Variants in CELSR1 observed in about 807,000 individuals in gnomAD.
CELSR1 encodes the protein adhesion G protein-coupled receptor C1.
In CELSR1, 110 loss-of-function variants were observed where a neutral mutation model predicts 249.1. That is an observed-to-expected ratio of 0.44 (90% CI 0.38 to 0.52). The LOEUF (loss-of-function observed/expected upper bound fraction) is 0.52, where lower values mean the gene tolerates loss of function less well. CELSR1 is among the 20% of genes least tolerant of loss of function. CELSR1 has a pLI of 0.00. For synonymous variants in CELSR1, 2,113 were observed against 1,900.0 expected, an observed-to-expected ratio of 1.11 and a Z score of -2.92; for missense variants, 4,109 against 4,296.4, an observed-to-expected ratio of 0.96 and a Z score of 1.22.
Position 46,448,653 on chromosome 22 carries a change from A to G in CELSR1, c.4184-9242T>C. ...CACTTGATGAAGGCTTAGTTTATGC[A>G]GAATTAACGATCAAAATGAAACACA... On this transcript the variant is annotated intron_variant, in intron 2 of 34. Transcript: ENST00000674500. The surrounding 1 kb of genome is among the most constrained non-coding windows in gnomAD (Gnocchi z 5.7). 1 of 362,346 alleles carries G rather than the reference A, an allele frequency of 2.8e-6. No homozygotes were observed. Among genetic ancestry groups the G allele is most frequent in the Non-Finnish European group, 5.5e-6 (1 of 181,906 alleles). 22.4% of individuals were successfully genotyped at this position (362,346 alleles called of 1,614,324 possible). A position where few individuals can be genotyped will look rare whatever the true frequency, so the allele number is the denominator to read the frequency against.
At chr22:46,365,508 CA>C in intron 31 of CELSR1, 77 bp downstream of exon 31, 2 of 1,539,036 alleles carry the variant, frequency 1.3e-6, no homozygotes, top group South Asian at 1.2e-5. Flanking sequence ...AGTGCTTCTT[CA>C]GGGGCAGTCT....
At chr22:46,394,411 C>T (rs980745860) in intron 13 of CELSR1, 149 bp from the exon 14 acceptor site, 18 of 893,152 alleles carry the variant, frequency 2.0e-5, no homozygotes, top group Middle Eastern at 2.7e-4. Context: ...TACATGGCCT[C>T]AGTCTCCCCT....
intron 30 of CELSR1, 141 bp from the exon 31 acceptor site, chr22:46,365,830 G>T: frequency 5.5e-6 from 1 of 182,648 alleles, no homozygotes. Flanking sequence ...CGAGTATGTG[G>T]GGGAAAGGTG....
rs2079671166 is a variant in CELSR1 at position 46,437,075 on chromosome 22, C to G, written c.4407-786G>C. Reference sequence around the variant, plus strand: ...GGTCCATATCAGTGCTTAATATGGGCTGTTTGAATAAATGAAAGGAAGAGG... The same window carrying G: ...GGTCCATATCAGTGCTTAATATGGGGTGTTTGAATAAATGAAAGGAAGAGG... On this transcript the variant is annotated intron_variant, in intron 3 of 34. Transcript: ENST00000674500. The surrounding 1 kb of genome is among the most constrained non-coding windows in gnomAD (Gnocchi z 4.9). Among the ~76,000 whole-genome samples, 1 of 152,160 alleles carries G rather than the reference C, an allele frequency of 6.6e-6. No homozygotes were observed. The highest frequency in any genetic ancestry group is 1.5e-5 in the Non-Finnish European group (1 of 68,038).
intron 30 of CELSR1, among the ~76,000 whole-genome samples, chr22:46,366,165 G>GA: frequency 2.3e-5 from 1 of 43,706 alleles, no homozygotes; most frequent in Admixed American, 1.7e-4. Flanking sequence ...AAGTTGGTGG[G>GA]GGAAAGGTTG....
chr22:46,495,539 C>T (rs915337953), intron 1 of CELSR1, among the ~76,000 whole-genome samples: 1 of 152,200 alleles, frequency 6.6e-6, no homozygotes. Flanking sequence ...TACATTTATA[C>T]AGAAAATTTT....
Position 46,537,338 on chromosome 22 carries a change from C to G in CELSR1, c.-168G>C, listed in dbSNP as rs2080870130. Among the ~76,000 whole-genome samples the G allele has an allele frequency of 6.7e-6, 1 of 148,902 alleles. No individual in the cohort carries two copies. The highest frequency in any genetic ancestry group is 6.6e-5 in the Admixed American group (1 of 15,042). On this transcript the variant is annotated 5_prime_UTR_variant, in exon 1 of 35. Transcript: ENST00000674500. This position sits in a 1 kb window ranked among gnomAD's most constrained non-coding sequence, Gnocchi z 5.8. ...TGGCGGGGACTGTGGGGACCACGCG[C>G]CCGGCCTCCCCCGCAGCTTCCACTT...
At position 46,374,378 on chromosome 22, in the gene CELSR1, G is replaced by A. The variant is rs550883334; in HGVS notation, c.7585-1321C>T. On this transcript the variant is annotated intron_variant, in intron 24 of 34. Coordinates refer to ENST00000674500, the MANE Select transcript of CELSR1 (RefSeq NM_001378328.1). This position sits in a 1 kb window ranked among gnomAD's most constrained non-coding sequence, Gnocchi z 4.3. ...GGTCGTACCTGCTTCCCTAACCAAT[G>A]TACCACCTTTTCCAGAAATAGAACA... is the stretch of plus-strand genomic sequence containing the variant. Among the ~76,000 whole-genome samples, 43 of 152,292 alleles carry A rather than the reference G, an allele frequency of 2.8e-4. No homozygotes were observed. The highest frequency in any genetic ancestry group is 1.0e-3 in the African/African-American group (42 of 41,544).
intron 14 of CELSR1, 29 bp downstream of exon 14, chr22:46,394,113 A>G (rs1318445171): frequency 6.2e-7 from 1 of 1,608,660 alleles, no homozygotes; most frequent in Admixed American, 1.7e-5. Flanking sequence ...CAAACACAGC[A>G]TGCAGGGATC....
rs2079210901 is a variant in CELSR1 at position 46,401,578 on chromosome 22, A to T, written c.5227-1676T>A. On this transcript the variant is annotated intron_variant, in intron 9 of 34. Transcript: ENST00000674500. The surrounding 1 kb of genome is among the most constrained non-coding windows in gnomAD (Gnocchi z 4.7). Reference sequence around the variant, plus strand: ...ACCTGAAACCCCTGCCCTCCTTGGCACTCTTCAGCCCTATCAGCAGGTGGT... The same window carrying T: ...ACCTGAAACCCCTGCCCTCCTTGGCTCTCTTCAGCCCTATCAGCAGGTGGT... 6.6e-6 allele frequency among the ~76,000 whole-genome samples: 1 copy of T among 151,900 alleles called. No individual in the cohort carries two copies. Among genetic ancestry groups the T allele is most frequent in the African/African-American group, 2.4e-5 (1 of 41,378 alleles).
Position 46,537,054 on chromosome 22 carries a change from G to A in CELSR1, c.117C>T (p.Thr39=). ...AAWEPRVPGG[T]RAFALRPGCT... ...AGCCGGGCCGGAGGGCGAAGGCGCG[G>A]GTCCCGCCGGGTACGCGCGGCTCCC... The change falls in exon 1 of 35, where the codon ACC becomes ACT. Residue 39 remains threonine (T), a synonymous_variant. Coordinates refer to ENST00000674500, the MANE Select transcript of CELSR1 (RefSeq NM_001378328.1). This position sits in a 1 kb window ranked among gnomAD's most constrained non-coding sequence, Gnocchi z 5.8. 2.8e-6 allele frequency: 3 copies of A among 1,078,868 alleles called. No homozygotes were observed. The highest frequency in any genetic ancestry group is 3.4e-6 in the Non-Finnish European group (3 of 891,976). The allele number at this position is 1,078,868 out of a possible 1,614,324, so 66.8% of individuals were successfully genotyped here. A position where few individuals can be genotyped will look rare whatever the true frequency, so the allele number is the denominator to read the frequency against.
chr22:46,374,049 C>T lies in CELSR1; in HGVS notation c.7585-992G>A, dbSNP rs76410842. ...GGTGGGGAGGGCCCCAAGTCAGCAT[C>T]GCATCTGTCAGATACGGAACAGAGC... On this transcript the variant is annotated intron_variant, in intron 24 of 34. Coordinates refer to ENST00000674500, the MANE Select transcript of CELSR1 (RefSeq NM_001378328.1). The surrounding 1 kb of genome is among the most constrained non-coding windows in gnomAD (Gnocchi z 4.3). Among the ~76,000 whole-genome samples the T allele has an allele frequency of 0.014, 2,154 of 152,326 alleles. 52 individuals carry two copies. Among genetic ancestry groups the T allele is most frequent in the African/African-American group, 0.047 (1,966 of 41,566 alleles).
chr22:46,384,172 G>A (rs1255610173), intron 20 of CELSR1, among the ~76,000 whole-genome samples: 2 of 151,740 alleles, frequency 1.3e-5, no homozygotes, highest in South Asian at 2.1e-4. Flanking sequence ...CTGACCTCAG[G>A]TGATCTGCCC....
chr22:46,438,270 C>A (rs2079690033), intron 3 of CELSR1, among the ~76,000 whole-genome samples: 1 of 152,166 alleles, frequency 6.6e-6, no homozygotes, highest in Non-Finnish European at 1.5e-5. Flanking sequence ...CCGGAGCCCA[C>A]TTGGGAGCCT....
chr22:46,396,562 A>G lies in CELSR1; in HGVS notation c.5843+43T>C. ...CACTGAGTCGAGGGAACACAGCCAC[A>G]TGGACTCTGAAGGTGCAGGGAGGCA... On this transcript the variant is annotated intron_variant, in intron 13 of 34. Coordinates refer to ENST00000674500, the MANE Select transcript of CELSR1 (RefSeq NM_001378328.1). This position sits in a 1 kb window ranked among gnomAD's most constrained non-coding sequence, Gnocchi z 6.4. The G allele has an allele frequency of 6.7e-7, 1 of 1,494,346 alleles. No homozygotes were observed. The highest frequency in any genetic ancestry group is 8.9e-7 in the Non-Finnish European group (1 of 1,123,968). The allele number at this position is 1,494,346 out of a possible 1,614,324, so 92.6% of individuals were successfully genotyped here.
In CELSR1 at chr22:46,534,812, G is replaced by A. The variant is rs1207644058; in HGVS notation, c.2359C>T (p.Pro787Ser). 1 of 1,613,104 alleles carries A rather than the reference G, an allele frequency of 6.2e-7. No homozygotes were observed. The highest frequency in any genetic ancestry group is 1.7e-5 in the Admixed American group (1 of 60,028). ...GTGTAATGGGAGCTCTGAAAGACAG[G>A]CCTGTGGGTGTTGGCATCAGTGACG... ...INVTDANTHR[P>S]VFQSSHYTVS... is the part of the protein sequence containing the mutation. Residue 787 changes from proline to serine, a missense_variant, in exon 1 of 35, where the codon CCT becomes TCT. Physicochemically the swap from Pro to Ser is moderately conservative, Grantham distance 74 (BLOSUM62 -1). Transcript: ENST00000674500. This position sits in a 1 kb window ranked among gnomAD's most constrained non-coding sequence, Gnocchi z 9.7.
chr22:46,483,382 TGAC>T (rs1341080205), intron 1 of CELSR1, among the ~76,000 whole-genome samples: 3 of 136,792 alleles, frequency 2.2e-5, no homozygotes, highest in East Asian at 2.3e-4. Context: ...ATGCTATTCC[TGAC>T]TTTTTTTTTT....
At chr22:46,481,315 G>T in intron 1 of CELSR1, 1 of 634,382 alleles carries the variant, frequency 1.6e-6, no homozygotes, top group South Asian at 2.1e-5. Flanking sequence ...GATGGCCACT[G>T]GCAAAGACTT....
intron 24 of CELSR1, among the ~76,000 whole-genome samples, chr22:46,373,712 T>TGGGGGAGAAGGGGGAGATGGGGGAGAA (rs1350336269): frequency 2.5e-5 from 2 of 78,762 alleles, no homozygotes; most frequent in African/African-American, 1.0e-4. Flanking sequence ...ATGGGGGAGA[T>TGGGGGAGAAGGGGGAGATGGGGGAGAA]GGGGGAGATG....
Sources: gnomAD v4.1 joint callset for allele counts (sites outside exome capture counted in the v4.1 genomes callset) on GRCh38, gnomAD v4.1.1 for gene constraint, Gnocchi (gnomAD v3.1) non-coding constraint, MANE v1.5 for transcripts, NCBI Gene and HGNC (gene_info 2026-07-23, HGNC 2026-07-21) for gene names.